SLC30A5: variants seen among roughly 807,000 people sequenced by gnomAD.
The protein encoded by SLC30A5 is proton-coupled zinc antiporter SLC30A5.
A neutral mutation model predicts 79.6 loss-of-function variants in SLC30A5; 33 were observed. That is an observed-to-expected ratio of 0.41 (90% CI 0.31 to 0.55). The LOEUF (loss-of-function observed/expected upper bound fraction) is 0.55, where lower values mean the gene tolerates loss of function less well. SLC30A5 is among the 20% of genes least tolerant of loss of function. The pLI is 0.20. For synonymous variants in SLC30A5, 299 were observed against 319.7 expected (o/e 0.94, Z 0.69); for missense variants, 788 against 928.1 (o/e 0.85, Z 1.96).
chr5:69,094,471 T>C, intron 1 of SLC30A5, 133 bp downstream of exon 1: 1 of 975,758 alleles, frequency 1.0e-6, no homozygotes, highest in Non-Finnish European at 1.3e-6. Flanking sequence ...CCTGCCTCCC[T>C]GCGCGCAGGC....
chr5:69,117,471 T>C (rs1746403562), intron 11 of SLC30A5, 75 bp downstream of exon 11: 2 of 1,226,080 alleles, frequency 1.6e-6, no homozygotes, highest in South Asian at 1.5e-5. Context: ...ATATTACTTA[T>C]ATTACTTTTA....
At chr5:69,118,801 CTTTTTTTTTTTT>C (rs35781175) in intron 12 of SLC30A5, among the ~76,000 whole-genome samples, 173 bp downstream of exon 12, 1 of 97,322 alleles carries the variant, frequency 1.0e-5, no homozygotes, top group Non-Finnish European at 2.0e-5. Context: ...TAGAAATTCT[CTTTTTTTTTTTT>C]TTTTTTTTTG....
rs1746584579 is a variant in SLC30A5 at position 69,123,281 on chromosome 5, G to A, written c.1854G>A (p.Trp618Ter). Residue 618 changes from tryptophan to a stop codon, truncating the protein, a stop_gained, in exon 14 of 16, where the codon TGG becomes TGA. Coordinates refer to ENST00000396591, the MANE Select transcript of SLC30A5 (RefSeq NM_022902.5). LOFTEE classifies it high-confidence loss of function. ...VSTVLIEQFG[W>*]FIADPLCSLF... Reference sequence around the variant, plus strand: ...CAGTTCTTATAGAGCAGTTTGGATGGTTCATCGCTGACCCACTCTGTTCTC... The same window carrying A: ...CAGTTCTTATAGAGCAGTTTGGATGATTCATCGCTGACCCACTCTGTTCTC... 6.2e-7 allele frequency: 1 copy of A among 1,613,854 alleles called. No individual in the cohort carries two copies. Among genetic ancestry groups the A allele is most frequent in the Non-Finnish European group, 8.5e-7 (1 of 1,179,968 alleles).
At chr5:69,120,711 G>A (rs1437570221) in intron 12 of SLC30A5, among the ~76,000 whole-genome samples, 1 of 152,088 alleles carries the variant, frequency 6.6e-6, no homozygotes, top group Non-Finnish European at 1.5e-5. Flanking sequence ...GAGTCAAATG[G>A]TCCGAATCAG....
At chr5:69,124,767 G>A (rs1434679771) in intron 14 of SLC30A5, among the ~76,000 whole-genome samples, 3 of 151,920 alleles carry the variant, frequency 2.0e-5, no homozygotes, top group Non-Finnish European at 4.4e-5. Flanking sequence ...ATGGGGTTTC[G>A]CCATGTTGGC....
chr5:69,126,296 G>GT (rs1471416659), intron 14 of SLC30A5, among the ~76,000 whole-genome samples: 1 of 152,064 alleles, frequency 6.6e-6, no homozygotes. Context: ...ACATCATGGG[G>GT]TTTTTTTAAG....
chr5:69,112,767 CT>C (rs1746267752), intron 5 of SLC30A5, among the ~76,000 whole-genome samples: 1 of 151,974 alleles, frequency 6.6e-6, no homozygotes, highest in Non-Finnish European at 1.5e-5. Context: ...TTCTCTATTC[CT>C]TGCATATTGT....
At chr5:69,112,368 C>T (rs164395) in intron 5 of SLC30A5, among the ~76,000 whole-genome samples, 103,237 of 152,108 alleles carry the variant, frequency 0.68, 35,647 homozygotes, top group East Asian at 0.86. Context: ...TTACATAAAC[C>T]GAGCTAATAT....
At chr5:69,122,689 A>G (rs1426594464) in intron 13 of SLC30A5, among the ~76,000 whole-genome samples, 4 of 152,162 alleles carry the variant, frequency 2.6e-5, no homozygotes, top group Admixed American at 2.0e-4. Context: ...TTGTTCTTAA[A>G]TGTTAGTTTT....
chr5:69,127,427 G>A (rs978334403), intron 14 of SLC30A5, among the ~76,000 whole-genome samples: 22 of 147,402 alleles, frequency 1.5e-4, no homozygotes, highest in Non-Finnish European at 1.5e-4. Flanking sequence ...TCAGGAGTTC[G>A]AGACCAGCCT....
At position 69,116,384 on chromosome 5, in the gene SLC30A5, C is replaced by T. The variant is rs1167298706; in HGVS notation, c.1073-10C>T. The T allele has an allele frequency of 1.3e-6, 2 of 1,558,496 alleles. No individual in the cohort carries two copies. Among genetic ancestry groups the T allele is most frequent in the Admixed American group, 2.1e-5 (1 of 46,778 alleles). Reference sequence around the variant, plus strand: ...GAAAATTTAAACAATATTGTTTTTTCTCTTTGTAGCTGCCAATATCTTATC... The same window carrying T: ...GAAAATTTAAACAATATTGTTTTTTTTCTTTGTAGCTGCCAATATCTTATC... On this transcript the variant is annotated splice_polypyrimidine_tract_variant and intron_variant, in intron 9 of 15. Coordinates refer to ENST00000396591, the MANE Select transcript of SLC30A5 (RefSeq NM_022902.5). This position sits in a 1 kb window ranked among gnomAD's most constrained non-coding sequence, Gnocchi z 4.0.
rs60614154 is a variant in SLC30A5, at chr5:69,115,135, GAAAAAAAAAAAAAAAAA to G, written c.613-88_613-72del. 2,373 of 535,582 alleles carry G rather than the reference GAAAAAAAAAAAAAAAAA, an allele frequency of 4.4e-3. 10 individuals carry two copies. The highest frequency in any genetic ancestry group is 5.0e-3 in the East Asian group (123 of 24,620). 33.2% of individuals were successfully genotyped at this position (535,582 alleles called of 1,614,324 possible). ...GGCAGAGCAAGACCCTGTCTCTGGG[GAAAAAAAAAAAAAAAAA>G]AAAAAAAAAAAAAGATCATGTATTT... On this transcript the variant is annotated intron_variant, in intron 7 of 15. Coordinates refer to ENST00000396591, the MANE Select transcript of SLC30A5 (RefSeq NM_022902.5).
rs1452224401 is a variant in SLC30A5 at position 69,116,854 on chromosome 5, G to A, written c.1281+252G>A. 6.6e-6 allele frequency among the ~76,000 whole-genome samples: 1 copy of A among 152,162 alleles called. No homozygotes were observed. Among genetic ancestry groups the A allele is most frequent in the Non-Finnish European group, 1.5e-5 (1 of 68,028 alleles). On this transcript the variant is annotated intron_variant, in intron 10 of 15. Transcript: ENST00000396591. The surrounding 1 kb of genome is among the most constrained non-coding windows in gnomAD (Gnocchi z 4.0). ...CATTTTAGAAGCATTGATTTAGTAT[G>A]TTCCTTCAAATCAGTAAATATAGTA...
Position 69,116,311 on chromosome 5 carries a change from G to T in SLC30A5, c.1073-83G>T. 1 of 1,491,194 alleles carries T rather than the reference G, an allele frequency of 6.7e-7. No individual in the cohort carries two copies. The allele number at this position is 1,491,194 out of a possible 1,614,324, so 92.4% of individuals were successfully genotyped here. On this transcript the variant is annotated intron_variant, in intron 9 of 15. Coordinates refer to ENST00000396591, the MANE Select transcript of SLC30A5 (RefSeq NM_022902.5). The surrounding 1 kb of genome is among the most constrained non-coding windows in gnomAD (Gnocchi z 4.0). ...TATTTTGGGAAATTCTTCAGTGCTT[G>T]CATTTAGTGCCGACAGTTACTGTGT...
At chr5:69,099,733 G>A (rs1287793567) in intron 1 of SLC30A5, among the ~76,000 whole-genome samples, 1 of 152,070 alleles carries the variant, frequency 6.6e-6, no homozygotes, top group East Asian at 1.9e-4. Flanking sequence ...CCATTCTTCC[G>A]TTTCTTCCTA....
intron 1 of SLC30A5, among the ~76,000 whole-genome samples, chr5:69,094,674 G>A (rs1171128540): frequency 1.3e-5 from 2 of 151,986 alleles, no homozygotes; most frequent in African/African-American, 4.8e-5. Flanking sequence ...ATAGTCTGGC[G>A]ACTACTTAAC....
rs374732397 is a variant in SLC30A5 at position 69,097,006 on chromosome 5, CCAA to C, written c.83+2678_83+2680del. ...ACCCCAAAAAAACCCCCACAAAAAA[CCAA>C]CAACAACAAAAAAAAAGTAAATGTA... On this transcript the variant is annotated intron_variant, in intron 1 of 15. Transcript: ENST00000396591. Among the ~76,000 whole-genome samples, 65 of 151,068 alleles carry C rather than the reference CCAA, an allele frequency of 4.3e-4. 1 individual carries two copies. The South Asian group carries it at 7.9e-3, about 18-fold the overall frequency.
intron 5 of SLC30A5, among the ~76,000 whole-genome samples, chr5:69,112,739 G>A (rs953485690): frequency 6.6e-6 from 1 of 152,026 alleles, no homozygotes; most frequent in Admixed American, 6.6e-5. Context: ...TTTCTCTAGA[G>A]GAGTAGTATC....
At chr5:69,100,551 G>A (rs970105517) in intron 1 of SLC30A5, among the ~76,000 whole-genome samples, 15 of 149,794 alleles carry the variant, frequency 1.0e-4, no homozygotes, top group Non-Finnish European at 1.6e-4. Flanking sequence ...CTGGAGGATC[G>A]CTTGACCAAA....
Sources: gnomAD v4.1 joint callset for allele counts (sites outside exome capture counted in the v4.1 genomes callset) on GRCh38, gnomAD v4.1.1 for gene constraint, Gnocchi (gnomAD v3.1) non-coding constraint, MANE v1.5 for transcripts, NCBI Gene and HGNC (gene_info 2026-07-23, HGNC 2026-07-21) for gene names.